Variants in AP3S1 observed in about 807,000 individuals in gnomAD.
AP3S1 encodes AP-3 complex subunit sigma-1.
A neutral mutation model predicts 21.3 loss-of-function variants in AP3S1; 12 were observed. The ratio of observed to expected loss-of-function variants is 0.56; its 90% CI spans 0.36 to 0.91. The LOEUF is 0.91. Ranked by LOEUF, AP3S1 falls within the 40% of genes least tolerant of loss-of-function variation. AP3S1 has a pLI of 0.01. For synonymous variants in AP3S1, 48 were observed against 78.4 expected (o/e 0.61, Z 2.05); for missense variants, 116 against 225.0 (o/e 0.52, Z 3.10).
In AP3S1 at chr5:115,913,350, T is replaced by G. The variant is rs757627533; in HGVS notation, c.454-12T>G. On this transcript the variant is annotated splice_polypyrimidine_tract_variant and intron_variant, in intron 5 of 5. Transcript: ENST00000316788. ...TACATTTTCTTTTTCTTTTATTTGC[T>G]TCTGTATACAGGCTGGCTTAGCAGG... is the stretch of plus-strand genomic sequence containing the variant. 3.1e-6 allele frequency: 2 copies of G among 637,544 alleles called. No homozygotes were observed. The highest frequency in any genetic ancestry group is 3.7e-6 in the Non-Finnish European group (2 of 536,474). The allele number at this position is 637,544 out of a possible 1,614,324, so 39.5% of individuals were successfully genotyped here. A position where few individuals can be genotyped will look rare whatever the true frequency, so the allele number is the denominator to read the frequency against.
At chr5:115,842,399 C>T (rs905286151) in intron 1 of AP3S1, 5 of 303,194 alleles carry the variant, frequency 1.6e-5, no homozygotes, top group African/African-American at 1.1e-4. Context: ...CGGGGCCCGG[C>T]CCTCGCCGAT....
chr5:115,871,789 C>A (rs74335518), intron 3 of AP3S1, among the ~76,000 whole-genome samples: 34 of 152,272 alleles, frequency 2.2e-4, no homozygotes, highest in Non-Finnish European at 4.4e-4. Context: ...TTTCCCCGGT[C>A]CATTTACTCT....
rs185989017 is a variant in AP3S1, at chr5:115,873,882, A to C, written c.273+3754A>C. On this transcript the variant is annotated intron_variant, in intron 3 of 5. Coordinates refer to ENST00000316788, the MANE Select transcript of AP3S1 (RefSeq NM_001284.4). ...GATCAAGAAAACTCAATATGTAACT[A>C]TTAAACCTATGCTTATAATTTTGAT... 2.6e-3 allele frequency among the ~76,000 whole-genome samples: 389 copies of C among 152,264 alleles called. 3 individuals are homozygous for C. The highest frequency in any genetic ancestry group is 8.8e-3 in the African/African-American group (367 of 41,560).
chr5:115,843,610 A>G (rs905559221), intron 1 of AP3S1, among the ~76,000 whole-genome samples: 11 of 152,238 alleles, frequency 7.2e-5, no homozygotes, highest in Admixed American at 2.0e-4. Context: ...AGTCTTTGTC[A>G]TAACCATTTT....
intron 1 of AP3S1, among the ~76,000 whole-genome samples, chr5:115,863,028 C>A (rs374704445): frequency 6.6e-6 from 1 of 151,992 alleles, no homozygotes; most frequent in African/African-American, 2.4e-5. Flanking sequence ...TTTGGGAGGC[C>A]AAGGCAGGTG....
intron 3 of AP3S1, among the ~76,000 whole-genome samples, chr5:115,880,978 T>C (rs1026182785): frequency 6.6e-6 from 1 of 152,200 alleles, no homozygotes; most frequent in Non-Finnish European, 1.5e-5. Flanking sequence ...TTTTGATCTT[T>C]GTTGGTTTAA....
chr5:115,879,367 G>A (rs893149490), intron 3 of AP3S1, among the ~76,000 whole-genome samples: 2 of 152,146 alleles, frequency 1.3e-5, no homozygotes, highest in African/African-American at 4.8e-5. Flanking sequence ...TTTGAGATAT[G>A]TTCCATCTAT....
chr5:115,887,968 AATCTAT>A (rs1749946881), intron 3 of AP3S1, among the ~76,000 whole-genome samples: 1 of 152,088 alleles, frequency 6.6e-6, no homozygotes, highest in Non-Finnish European at 1.5e-5. Flanking sequence ...CATTTTTCGA[AATCTAT>A]TTACTTTTTA....
chr5:115,893,300 G>A (rs972452158), intron 3 of AP3S1, among the ~76,000 whole-genome samples: 1 of 152,110 alleles, frequency 6.6e-6, no homozygotes, highest in Non-Finnish European at 1.5e-5. Context: ...TGCAGCTGTG[G>A]TTGCTTTCCA....
chr5:115,863,020 T>C (rs1763315882), intron 1 of AP3S1, among the ~76,000 whole-genome samples: 1 of 152,158 alleles, frequency 6.6e-6, no homozygotes. Flanking sequence ...CCCAGCACTT[T>C]GGGAGGCCAA....
At chr5:115,907,115 A>AT in intron 5 of AP3S1, 11 of 620,226 alleles carry the variant, frequency 1.8e-5, no homozygotes, top group Non-Finnish European at 2.0e-5. Context: ...GAAAGTTTAA[A>AT]TTTTTTTTAA....
At chr5:115,847,929 A>C (rs1762176068) in intron 1 of AP3S1, among the ~76,000 whole-genome samples, 1 of 152,192 alleles carries the variant, frequency 6.6e-6, no homozygotes, top group African/African-American at 2.4e-5. Context: ...GAAAAACCCA[A>C]ATGCTTATAC....
chr5:115,910,255 C>A (rs534131777), intron 5 of AP3S1, among the ~76,000 whole-genome samples: 1 of 144,152 alleles, frequency 6.9e-6, no homozygotes, highest in Non-Finnish European at 1.5e-5. Flanking sequence ...CAGAGTGAGA[C>A]CCTGTCTCTT....
chr5:115,881,651 A>C (rs967936312), intron 3 of AP3S1, among the ~76,000 whole-genome samples: 2 of 151,990 alleles, frequency 1.3e-5, no homozygotes, highest in African/African-American at 2.4e-5. Flanking sequence ...CCTTCATTTC[A>C]ACCTTGGTGA....
At chr5:115,894,716 T>G (rs929782692) in intron 3 of AP3S1, among the ~76,000 whole-genome samples, 1 of 152,336 alleles carries the variant, frequency 6.6e-6, no homozygotes, top group East Asian at 1.9e-4. Context: ...TAGTAGGGAC[T>G]TGGACTGTGC....
chr5:115,870,161 T>C (rs771596539), intron 3 of AP3S1, 33 bp downstream of exon 3: 1 of 1,321,686 alleles, frequency 7.6e-7, no homozygotes, highest in African/African-American at 1.5e-5. Context: ...CTATCTTAAA[T>C]AACAGTTTGA....
intron 3 of AP3S1, among the ~76,000 whole-genome samples, chr5:115,872,322 A>C (rs562880191): frequency 1.2e-4 from 19 of 152,304 alleles, no homozygotes; most frequent in African/African-American, 4.6e-4. Flanking sequence ...AAAATAAAAA[A>C]GGAGATAAAT....
At chr5:115,859,020 A>T (rs10050876) in intron 1 of AP3S1, among the ~76,000 whole-genome samples, 3 of 151,734 alleles carry the variant, frequency 2.0e-5, no homozygotes, top group Admixed American at 6.6e-5. Context: ...TAGGTATACA[A>T]GTGCCATGGT....
At chr5:115,885,846 T>G (rs1749734233) in intron 3 of AP3S1, among the ~76,000 whole-genome samples, 1 of 152,216 alleles carries the variant, frequency 6.6e-6, no homozygotes, top group South Asian at 2.1e-4. Flanking sequence ...AAGCCTGTGT[T>G]TGTAGTTAGT....
Sources: gnomAD v4.1 joint callset for allele counts (sites outside exome capture counted in the v4.1 genomes callset) on GRCh38, gnomAD v4.1.1 for gene constraint, MANE v1.5 for transcripts, NCBI Gene and HGNC (gene_info 2026-07-23, HGNC 2026-07-21) for gene names.